SF3A3: variants seen among roughly 807,000 people sequenced by gnomAD.
SF3A3 encodes splicing factor 3a subunit 3.
Under a neutral mutation model 85.8 loss-of-function variants are expected in SF3A3, and 9 were observed. The ratio of observed to expected loss-of-function variants is 0.10; its 90% CI spans 0.06 to 0.18. The LOEUF is 0.18. Among genes scored for constraint, SF3A3 ranks in the 10% least tolerant of loss-of-function variants. The pLI is 1.00. For synonymous variants in SF3A3, 195 were observed against 204.4 expected (o/e 0.95, Z 0.39); for missense variants, 306 against 593.3 (o/e 0.52, Z 5.03).
intron 13 of SF3A3, 44 bp from the exon 14 acceptor site, chr1:37,969,508 A>G (rs564927848): frequency 4.3e-6 from 7 of 1,613,212 alleles, no homozygotes; most frequent in Non-Finnish European, 5.9e-6. Context: ...GTGTTAGCCT[A>G]CTAAACTCTG....
In SF3A3 at chr1:37,956,977, T is replaced by G. The variant is rs1299033622; in HGVS notation, c.*1209A>C. The stretch of plus-strand genomic sequence containing the variant: ...TAATATAAAGAAAAAGATTAACATT[T>G]TTTTAAAAAGTAGATTTATTAAAAA... On this transcript the variant is annotated 3_prime_UTR_variant, in exon 17 of 17. Coordinates refer to ENST00000373019, the MANE Select transcript of SF3A3 (RefSeq NM_006802.4). 6.6e-6 allele frequency: 1 copy of G among 152,224 alleles called. No homozygotes were observed. The highest frequency in any genetic ancestry group is 2.4e-5 in the African/African-American group (1 of 41,446). The allele number at this position is 152,224 out of a possible 1,614,324, so 9.4% of individuals were successfully genotyped here.
intron 12 of SF3A3, among the ~76,000 whole-genome samples, chr1:37,973,614 C>T (rs562456147): frequency 9.2e-5 from 14 of 152,292 alleles, no homozygotes; most frequent in Admixed American, 4.6e-4. Context: ...GAAACAGGAA[C>T]GCTTTTACAC....
intron 15 of SF3A3, among the ~76,000 whole-genome samples, chr1:37,966,461 A>G (rs977599470): frequency 6.6e-5 from 10 of 152,080 alleles, no homozygotes; most frequent in Non-Finnish European, 1.2e-4. Context: ...ATTTTCCTTT[A>G]TATCAGTCAT....
chr1:37,980,685 T>C lies in SF3A3; in HGVS notation c.591A>G (p.Thr197=). The C allele has an allele frequency of 6.2e-7, 1 of 1,613,900 alleles. No individual in the cohort carries two copies. The highest frequency in any genetic ancestry group is 8.5e-7 in the Non-Finnish European group (1 of 1,179,888). ...EMLLEYLQDY[T]DRVKPLQDQN... ...GATCTTGGAGAGGCTTCACTCTATC[T>C]GTGTAATCCTGAAGGTACTCAAGCA... The change falls in exon 8 of 17, where the codon ACA becomes ACG. Residue 197 remains threonine, a synonymous_variant. Coordinates refer to ENST00000373019, the MANE Select transcript of SF3A3 (RefSeq NM_006802.4).
chr1:37,968,041 T>C lies in SF3A3; in HGVS notation c.1372+3A>G, dbSNP rs1197123954. ...TAGGAGACAGTAAATAAATCTTACT[T>C]ACAGGAGACAGCATCTTCAATCTGT... On this transcript the variant is annotated splice_donor_region_variant and intron_variant, in intron 15 of 16. Coordinates refer to ENST00000373019, the MANE Select transcript of SF3A3 (RefSeq NM_006802.4). The C allele has an allele frequency of 6.3e-7, 1 of 1,595,750 alleles. No individual in the cohort carries two copies. Among genetic ancestry groups the C allele is most frequent in the Non-Finnish European group, 8.6e-7 (1 of 1,163,244 alleles).
chr1:37,974,676 T>C (rs1452116988), intron 12 of SF3A3, among the ~76,000 whole-genome samples: 97 of 152,178 alleles, frequency 6.4e-4, no homozygotes, highest in Non-Finnish European at 7.3e-5. Flanking sequence ...ACCAGGTTTA[T>C]CTGTTTAAAA....
At chr1:37,965,050 T>C (rs1234763671) in intron 15 of SF3A3, among the ~76,000 whole-genome samples, 1 of 151,878 alleles carries the variant, frequency 6.6e-6, no homozygotes, top group Non-Finnish European at 1.5e-5. Context: ...CCCAGCTACT[T>C]GGGAGGTTAA....
intron 6 of SF3A3, 143 bp from the exon 7 acceptor site, chr1:37,981,954 T>A (rs1646421995): frequency 3.5e-6 from 2 of 570,844 alleles, no homozygotes; most frequent in Non-Finnish European, 6.1e-6. Context: ...TTTTTTTTGC[T>A]TGCCTATCAT....
At chr1:37,958,954 C>G (rs1016139090) in intron 16 of SF3A3, among the ~76,000 whole-genome samples, 1 of 152,158 alleles carries the variant, frequency 6.6e-6, no homozygotes, top group African/African-American at 2.4e-5. Flanking sequence ...AGAGTATCAT[C>G]TCTCATTAGA....
In SF3A3 at chr1:37,988,892, TA is replaced by T. The variant is rs149510902; in HGVS notation, c.144+655del. ...GTGTGTGTGTGTGTATATATATATATATATTTTTTTTTTCATTTAAGGGAAG... is the reference window on the plus strand; with the variant it reads ...GTGTGTGTGTGTGTATATATATATATTATTTTTTTTTTCATTTAAGGGAAG... On this transcript the variant is annotated intron_variant, in intron 2 of 16. Transcript: ENST00000373019. Among the ~76,000 whole-genome samples, 540 of 148,868 alleles carry T rather than the reference TA, an allele frequency of 3.6e-3. 5 individuals are homozygous for T. Among genetic ancestry groups the T allele is most frequent in the African/African-American group, 0.013 (524 of 40,812 alleles).
At chr1:37,967,984 G>T in intron 15 of SF3A3, 60 bp downstream of exon 15, 2 of 1,000,326 alleles carry the variant, frequency 2.0e-6, no homozygotes, top group South Asian at 1.3e-5. Flanking sequence ...TTAGGATGCT[G>T]AATTGAAGGA....
At chr1:37,963,192 AC>A (rs546976992) in intron 15 of SF3A3, among the ~76,000 whole-genome samples, 304 of 152,266 alleles carry the variant, frequency 2.0e-3, no homozygotes, top group Middle Eastern at 0.017. Flanking sequence ...AATGATCTAA[AC>A]AAGTTAATCC....
At chr1:37,988,126 T>A (rs1207844649) in intron 2 of SF3A3, among the ~76,000 whole-genome samples, 1 of 152,202 alleles carries the variant, frequency 6.6e-6, no homozygotes, top group Non-Finnish European at 1.5e-5. Context: ...ATACCACCGA[T>A]GCCTAACTTC....
rs1298308265 is a variant in SF3A3, at chr1:37,987,751, C to A, written c.197+33G>T. The A allele has an allele frequency of 1.9e-6, 3 of 1,607,754 alleles. No homozygotes were observed. In the Admixed American group the frequency reaches 5.0e-5, roughly 27 times the overall value. Reference sequence around the variant, plus strand: ...CTCTAACCATGGCTCCTCAGAAGCACTAACTCCTGGATTAGCTGTGACTGT... The same window carrying A: ...CTCTAACCATGGCTCCTCAGAAGCAATAACTCCTGGATTAGCTGTGACTGT... On this transcript the variant is annotated intron_variant, in intron 3 of 16. Coordinates refer to ENST00000373019, the MANE Select transcript of SF3A3 (RefSeq NM_006802.4).
intron 12 of SF3A3, among the ~76,000 whole-genome samples, chr1:37,975,750 A>G (rs1210095759): frequency 1.3e-5 from 2 of 152,214 alleles, no homozygotes; most frequent in African/African-American, 4.8e-5. Context: ...TGGTCCTCAA[A>G]GGCCGAATGA....
At chr1:37,966,409 T>C (rs1247499419) in intron 15 of SF3A3, among the ~76,000 whole-genome samples, 2 of 152,134 alleles carry the variant, frequency 1.3e-5, no homozygotes, top group African/African-American at 4.8e-5. Context: ...TGCTGCTGTG[T>C]TTCTATAGCC....
At chr1:37,964,934 G>A (rs928370619) in intron 15 of SF3A3, among the ~76,000 whole-genome samples, 15 of 152,100 alleles carry the variant, frequency 9.9e-5, no homozygotes, top group Non-Finnish European at 1.8e-4. Flanking sequence ...CAATGCGGGT[G>A]CATCACTTGA....
intron 16 of SF3A3, among the ~76,000 whole-genome samples, chr1:37,958,797 C>T (rs1646237300): frequency 6.6e-6 from 1 of 152,132 alleles, no homozygotes; most frequent in African/African-American, 2.4e-5. Context: ...AAACCACTGA[C>T]TCAAAAAAAG....
At chr1:37,968,469 C>T (rs1178456389) in intron 14 of SF3A3, among the ~76,000 whole-genome samples, 1 of 152,142 alleles carries the variant, frequency 6.6e-6, no homozygotes. Context: ...TTACCAAAGC[C>T]CCAGCAACTC....
Sources: gnomAD v4.1 joint callset for allele counts (sites outside exome capture counted in the v4.1 genomes callset) on GRCh38, gnomAD v4.1.1 for gene constraint, MANE v1.5 for transcripts, NCBI Gene and HGNC (gene_info 2026-07-23, HGNC 2026-07-21) for gene names.